SCAI: variants seen among roughly 807,000 people sequenced by gnomAD.
The protein encoded by SCAI is protein SCAI.
Under a neutral mutation model 92.2 loss-of-function variants are expected in SCAI, and 24 were observed. The ratio of observed to expected loss-of-function variants is 0.26; its 90% confidence interval spans 0.19 to 0.37. SCAI has a LOEUF of 0.37. SCAI is among the 10% of genes least tolerant of loss of function. The pLI is 1.00. For synonymous variants in SCAI, 261 were observed against 258.6 expected, an observed-to-expected ratio of 1.01 and a Z score of -0.09; for missense variants, 450 against 736.2, an observed-to-expected ratio of 0.61 and a Z score of 4.50.
Position 125,075,190 on chromosome 9 carries a change from C to T in SCAI, c.99-19183G>A, listed in dbSNP as rs144107355. 3.7e-3 allele frequency among the ~76,000 whole-genome samples: 560 copies of T among 152,260 alleles called. 7 individuals are homozygous for T. The highest frequency in any genetic ancestry group is 0.022 in the Admixed American group (329 of 15,290). ...AGGAAGCATGACTCAAAGTCGCCTA[C>T]TCCTAACAATTCATTCAAACTGTCT... On this transcript the variant is annotated intron_variant, in intron 2 of 17. Coordinates refer to ENST00000336505, the MANE Select transcript of SCAI (RefSeq NM_001144877.3).
Position 124,952,524 on chromosome 9 carries a change from T to C in SCAI, c.*283A>G, listed in dbSNP as rs917283434. The C allele has an allele frequency of 2.2e-5, 6 of 272,782 alleles. No individual in the cohort carries two copies. The highest frequency in any genetic ancestry group is 8.1e-5 in the East Asian group (1 of 12,398). 16.9% of individuals were successfully genotyped at this position (272,782 alleles called of 1,614,324 possible). Reference sequence around the variant, plus strand: ...TGATTTACTCTTCTCAGGGTGAGAATAGTGACTATTTGAGTGTAGGATTAG... The same window carrying C: ...TGATTTACTCTTCTCAGGGTGAGAACAGTGACTATTTGAGTGTAGGATTAG... On this transcript the variant is annotated 3_prime_UTR_variant, in exon 18 of 18. Coordinates refer to ENST00000336505, the MANE Select transcript of SCAI (RefSeq NM_001144877.3).
At chr9:125,036,128 C>T (rs906963114) in intron 3 of SCAI, among the ~76,000 whole-genome samples, 2 of 151,702 alleles carry the variant, frequency 1.3e-5, no homozygotes, top group Admixed American at 6.6e-5. Flanking sequence ...CCAGCCTGGG[C>T]AACAAAGGGA....
chr9:125,122,437 A>G (rs1835173516), intron 2 of SCAI, among the ~76,000 whole-genome samples: 1 of 151,504 alleles, frequency 6.6e-6, no homozygotes, highest in Admixed American at 6.6e-5. Context: ...AAAAATACAA[A>G]AAGTATCCAG....
intron 2 of SCAI, among the ~76,000 whole-genome samples, chr9:125,065,214 GA>G (rs200848204): frequency 1.3e-5 from 2 of 150,618 alleles, no homozygotes; most frequent in Non-Finnish European, 3.0e-5. Flanking sequence ...ACCCACGGGG[GA>G]AAAAAAACAA....
intron 11 of SCAI, 134 bp downstream of exon 11, chr9:125,002,980 A>T (rs1015067584): frequency 1.6e-4 from 93 of 594,576 alleles, no homozygotes; most frequent in Admixed American, 8.9e-5. Context: ...TATTATCAGG[A>T]TCATTACTCT....
intron 2 of SCAI, among the ~76,000 whole-genome samples, chr9:125,085,345 T>C (rs1390138747): frequency 6.6e-6 from 1 of 151,904 alleles, no homozygotes; most frequent in Non-Finnish European, 1.5e-5. Flanking sequence ...AAATTAGCCT[T>C]GCGTGGTGGC....
Position 124,976,075 on chromosome 9 carries a change from T to C in SCAI, c.1399+39A>G, listed in dbSNP as rs201840059. On this transcript the variant is annotated intron_variant, in intron 15 of 17. Transcript: ENST00000336505. The stretch of plus-strand genomic sequence containing the variant: ...TATTCATAATATAGATAGTGTTTAT[T>C]TGCAACCTATGGCTATACCAGGCAA... The C allele has an allele frequency of 3.5e-5, 45 of 1,302,632 alleles. No homozygotes were observed. In the African/African-American group the frequency reaches 6.0e-4, roughly 17 times the overall value. 80.7% of individuals were successfully genotyped at this position (1,302,632 alleles called of 1,614,324 possible).
chr9:125,087,212 T>C (rs1247346806), intron 2 of SCAI, among the ~76,000 whole-genome samples: 2 of 152,246 alleles, frequency 1.3e-5, no homozygotes, highest in African/African-American at 4.8e-5. Flanking sequence ...TATAGCTAAA[T>C]GAGCACACTT....
intron 6 of SCAI, among the ~76,000 whole-genome samples, chr9:125,024,575 A>AT (rs956961740): frequency 2.0e-5 from 3 of 151,724 alleles, no homozygotes; most frequent in South Asian, 4.2e-4. Flanking sequence ...GTACCCGGCC[A>AT]TTTTTTTTAA....
chr9:125,055,775 T>C (rs890348396), intron 3 of SCAI, 101 bp downstream of exon 3: 6 of 855,402 alleles, frequency 7.0e-6, no homozygotes, highest in Non-Finnish European at 1.1e-5. Context: ...GAAATTTATA[T>C]GACATTCTAC....
intron 3 of SCAI, among the ~76,000 whole-genome samples, chr9:125,055,003 A>G (rs977730742): frequency 6.6e-6 from 1 of 152,222 alleles, no homozygotes; most frequent in Admixed American, 6.5e-5. Flanking sequence ...GCAGCTTTAG[A>G]CAGAATGGTA....
chr9:124,953,240 A>G (rs1260914433), intron 17 of SCAI, among the ~76,000 whole-genome samples: 1 of 152,228 alleles, frequency 6.6e-6, no homozygotes, highest in Non-Finnish European at 1.5e-5. Context: ...TGGAAACCAT[A>G]TAATTCATGC....
intron 3 of SCAI, among the ~76,000 whole-genome samples, chr9:125,049,720 T>C (rs1833518654): frequency 5.3e-5 from 8 of 152,218 alleles, no homozygotes; most frequent in Admixed American, 5.2e-4. Flanking sequence ...AACAGCTTAA[T>C]ATAATGTGGA....
chr9:125,071,429 T>C (rs1833977190), intron 2 of SCAI, among the ~76,000 whole-genome samples: 1 of 152,004 alleles, frequency 6.6e-6, no homozygotes, highest in African/African-American at 2.4e-5. Context: ...ATAATAATAA[T>C]GAAAAGAGAA....
At chr9:124,995,583 G>A (rs1053266720) in intron 13 of SCAI, among the ~76,000 whole-genome samples, 6 of 142,560 alleles carry the variant, frequency 4.2e-5, no homozygotes, top group Admixed American at 3.5e-4. Context: ...TCCATGTCCC[G>A]GGCTCAGGTG....
At chr9:125,048,509 T>C (rs1412404280) in intron 3 of SCAI, among the ~76,000 whole-genome samples, 2 of 151,496 alleles carry the variant, frequency 1.3e-5, no homozygotes, top group East Asian at 3.9e-4. Context: ...TCTAAGAGAA[T>C]ATTAATTTTC....
At chr9:125,088,360 T>A (rs562014824) in intron 2 of SCAI, among the ~76,000 whole-genome samples, 1 of 152,202 alleles carries the variant, frequency 6.6e-6, no homozygotes, top group African/African-American at 2.4e-5. Context: ...GGGGGCAGAT[T>A]TCCCCCTTGC....
intron 2 of SCAI, among the ~76,000 whole-genome samples, chr9:125,071,741 G>GA (rs963484031): frequency 6.0e-5 from 9 of 151,086 alleles, no homozygotes; most frequent in African/African-American, 1.5e-4. Context: ...AAAAAGGCAG[G>GA]AAAAAAAAAG....
intron 2 of SCAI, among the ~76,000 whole-genome samples, chr9:125,092,767 C>T (rs1039083968): frequency 2.0e-5 from 3 of 152,204 alleles, no homozygotes; most frequent in Non-Finnish European, 4.4e-5. Context: ...TAAAACTCTT[C>T]TTTCTAGCTC....
Sources: gnomAD v4.1 joint callset for allele counts (sites outside exome capture counted in the v4.1 genomes callset) on GRCh38, gnomAD v4.1.1 for gene constraint, MANE v1.5 for transcripts, NCBI Gene and HGNC (gene_info 2026-07-23, HGNC 2026-07-21) for gene names.